Variants in ZNF536 observed in about 807,000 individuals in gnomAD.
ZNF536 encodes zinc finger protein 536.
A neutral mutation model predicts 84.5 loss-of-function variants in ZNF536; 13 were observed. That is an observed-to-expected ratio of 0.15 (90% confidence interval 0.10 to 0.24). The LOEUF is 0.24. Among genes scored for constraint, ZNF536 ranks in the 10% least tolerant of loss-of-function variants. The pLI, the probability that ZNF536 is intolerant of heterozygous loss-of-function variation, is 1.00. For synonymous variants in ZNF536, 811 were observed against 742.5 expected (o/e 1.09, Z -1.50); for missense variants, 1,536 against 1,747.5 (o/e 0.88, Z 2.16).
intron 1 of ZNF536, among the ~76,000 whole-genome samples, chr19:30,570,734 C>T (rs2046515671): frequency 6.6e-6 from 1 of 152,050 alleles, no homozygotes; most frequent in Admixed American, 6.6e-5. Context: ...AGTTAAAAAC[C>T]TATATTTTAA....
chr19:30,489,437 C>A (rs578173307), intron 2 of ZNF536, among the ~76,000 whole-genome samples: 1 of 151,774 alleles, frequency 6.6e-6, no homozygotes, highest in Non-Finnish European at 1.5e-5. Flanking sequence ...TAAAAATTAG[C>A]GAGGTGTGGT....
At position 30,322,185 on chromosome 19, in the gene ZNF536, C is replaced by T. The variant is rs1036221; in HGVS notation, c.-119-30183C>T. Among the ~76,000 whole-genome samples, 676 of 152,258 alleles carry T rather than the reference C, an allele frequency of 4.4e-3. 5 individuals carry two copies. The highest frequency in any genetic ancestry group is 0.016 in the African/African-American group (662 of 41,532). On this transcript the variant is annotated intron_variant, in intron 2 of 5. Transcript: ENST00000585628. ...CGTGATTTGTATTTTGCCAAATTCC[C>T]ATTGAGTTTGGGACCATCATTTGTA...
chr19:30,488,850 A>G (rs751086494), intron 2 of ZNF536, among the ~76,000 whole-genome samples: 6 of 152,176 alleles, frequency 3.9e-5, no homozygotes, highest in Non-Finnish European at 7.3e-5. Flanking sequence ...TTGGTTGAAG[A>G]TTGGCCTATG....
intron 1 of ZNF536, among the ~76,000 whole-genome samples, chr19:30,248,930 A>G (rs1337066978): frequency 6.6e-6 from 1 of 152,202 alleles, no homozygotes; most frequent in East Asian, 1.9e-4. Context: ...TGCAGATTTC[A>G]TATCAGATAC....
chr19:30,685,664 T>C (rs1378823664), intron 1 of ZNF536, among the ~76,000 whole-genome samples: 1 of 152,198 alleles, frequency 6.6e-6, no homozygotes, highest in Non-Finnish European at 1.5e-5. Context: ...ATGGGATTTG[T>C]ACATATTACA....
At chr19:30,592,238 T>C (rs948178426) in intron 1 of ZNF536, among the ~76,000 whole-genome samples, 5 of 152,202 alleles carry the variant, frequency 3.3e-5, no homozygotes, top group African/African-American at 1.2e-4. Context: ...TGGTGTTGTA[T>C]AAAGGTATCG....
At chr19:30,479,493 T>C (rs1167599123) in intron 2 of ZNF536, among the ~76,000 whole-genome samples, 4 of 152,246 alleles carry the variant, frequency 2.6e-5, no homozygotes, top group African/African-American at 7.2e-5. Context: ...AGTTGGCTGC[T>C]GTTTCGACTA....
intron 1 of ZNF536, among the ~76,000 whole-genome samples, chr19:30,609,273 G>A (rs990113535): frequency 1.3e-5 from 2 of 152,122 alleles, no homozygotes; most frequent in African/African-American, 2.4e-5. Flanking sequence ...ATAGAAAAAT[G>A]GAAACAGGGT....
At chr19:30,241,264 G>A (rs753128236) in intron 1 of ZNF536, among the ~76,000 whole-genome samples, 6 of 152,182 alleles carry the variant, frequency 3.9e-5, no homozygotes, top group Non-Finnish European at 8.8e-5. Flanking sequence ...ACAGTGAACA[G>A]TGATTGTGCC....
chr19:30,713,030 G>T (rs959997121), exon 2 of ZNF536: 3 of 152,058 alleles, frequency 2.0e-5, no homozygotes, highest in African/African-American at 7.2e-5. Context: ...AGCACTTTGG[G>T]AGCTCTTTCA....
intron 3 of ZNF536, among the ~76,000 whole-genome samples, chr19:30,543,179 C>T (rs1451201143): frequency 6.6e-6 from 1 of 152,186 alleles, no homozygotes; most frequent in East Asian, 1.9e-4. Flanking sequence ...CACTGTGCTC[C>T]AGGAGAGAAC....
rs2148228017 is a variant in ZNF536 at position 30,445,520 on chromosome 19, A to G, written c.1958A>G (p.His653Arg). Residue 653 changes from histidine to arginine, a missense_variant, in exon 2 of 5, where the codon CAC (histidine) becomes CGC (arginine). This residue lies in a region of ZNF536 where 366 missense variants were observed against 364.4 expected (regional missense o/e 1.00). Coordinates refer to ENST00000355537, the MANE Select transcript of ZNF536 (RefSeq NM_014717.3). This position sits in a 1 kb window ranked among gnomAD's most constrained non-coding sequence, Gnocchi z 4.5. ...CAGGTGGTCGTGCACTCCCGTGTCC[A>G]CAAGCGGGACCGCAAGGGCGAGGAG... Reference protein sequence around the residue: ...YHQVVVHSRVHKRDRKGEEDG... With the variant: ...YHQVVVHSRVRKRDRKGEEDG... The G allele has an allele frequency of 6.2e-7, 1 of 1,613,934 alleles. No homozygotes were observed. The highest frequency in any genetic ancestry group is 8.5e-7 in the Non-Finnish European group (1 of 1,179,962).
chr19:30,368,317 G>C (rs1187250050), upstream of ZNF536, among the ~76,000 whole-genome samples: 1 of 152,170 alleles, frequency 6.6e-6, no homozygotes, highest in Non-Finnish European at 1.5e-5. Flanking sequence ...CCTCTCATCA[G>C]CATTCTCTGA....
intron 1 of ZNF536, among the ~76,000 whole-genome samples, chr19:30,698,530 C>G (rs138216776): frequency 7.2e-5 from 11 of 152,180 alleles, no homozygotes; most frequent in Non-Finnish European, 1.6e-4. Flanking sequence ...CTCCTTCCAC[C>G]TTCCTGGCTG....
At chr19:30,363,496 C>T (rs1027653408) in intron 3 of ZNF536, among the ~76,000 whole-genome samples, 6 of 152,028 alleles carry the variant, frequency 3.9e-5, no homozygotes, top group African/African-American at 9.7e-5. Flanking sequence ...TACACAGAGC[C>T]TGGCTACTCT....
intron 2 of ZNF536, among the ~76,000 whole-genome samples, chr19:30,332,351 C>T (rs980585899): frequency 3.3e-5 from 5 of 152,160 alleles, no homozygotes; most frequent in African/African-American, 1.2e-4. Context: ...TGGCCCCAGC[C>T]TTTGTCTCCT....
chr19:30,664,884 C>G (rs2050259287), intron 1 of ZNF536, among the ~76,000 whole-genome samples: 1 of 152,174 alleles, frequency 6.6e-6, no homozygotes, highest in Non-Finnish European at 1.5e-5. Flanking sequence ...GTTCTTTAGC[C>G]CGGCAACTTT....
At chr19:30,611,363 A>G (rs2048099785) in intron 1 of ZNF536, among the ~76,000 whole-genome samples, 3 of 152,204 alleles carry the variant, frequency 2.0e-5, no homozygotes, top group Admixed American at 1.3e-4. Flanking sequence ...GTTTGCAAAC[A>G]GGCATCCCAG....
intron 1 of ZNF536, among the ~76,000 whole-genome samples, chr19:30,267,501 T>C (rs2025576589): frequency 6.6e-6 from 1 of 152,160 alleles, no homozygotes; most frequent in Admixed American, 6.5e-5. Context: ...AATAAAAATG[T>C]GGTCTTGGTG....
Sources: allele counts gnomAD v4.1 joint callset (sites outside exome capture counted in the v4.1 genomes callset), GRCh38; gene constraint gnomAD v4.1.1; regional missense constraint gnomAD v4.1.1; non-coding constraint Gnocchi (gnomAD v3.1); transcripts MANE v1.5; gene names NCBI Gene and HGNC (gene_info 2026-07-23, HGNC 2026-07-21).